CRADD: variants seen among roughly 807,000 people sequenced by gnomAD.
The protein encoded by CRADD is death domain-containing protein CRADD.
Under a neutral mutation model 15.5 loss-of-function variants are expected in CRADD, and 9 were observed. That is an observed-to-expected ratio of 0.58 (90% confidence interval 0.35 to 1.01). The LOEUF (loss-of-function observed/expected upper bound fraction) is 1.01. Ranked by LOEUF, CRADD falls within the 50% of genes least tolerant of loss-of-function variation. CRADD has a pLI of 0.02. For missense variants in CRADD, 227 were observed against 250.3 expected (o/e 0.91, Z 0.63); for synonymous variants, 118 against 107.6 (o/e 1.10, Z -0.60).
At chr12:93,736,209 C>A (rs750268235) in intron 2 of CRADD, among the ~76,000 whole-genome samples, 2 of 152,096 alleles carry the variant, frequency 1.3e-5, no homozygotes, top group Admixed American at 1.3e-4. Flanking sequence ...AGCCTCAAAG[C>A]AGAATCATGG....
chr12:93,779,494 G>A (rs897322710), intron 2 of CRADD, among the ~76,000 whole-genome samples: 6 of 150,462 alleles, frequency 4.0e-5, no homozygotes, highest in Admixed American at 2.0e-4. Flanking sequence ...CTTGAAAAGA[G>A]TACAAAAAAA....
chr12:93,802,044 G>A (rs1272097805), intron 2 of CRADD, among the ~76,000 whole-genome samples: 6 of 152,164 alleles, frequency 3.9e-5, no homozygotes, highest in Non-Finnish European at 7.3e-5. Context: ...TTATGGCTGA[G>A]TGGTATTCCA....
chr12:93,838,823 A>G (rs1413965909), intron 2 of CRADD, among the ~76,000 whole-genome samples: 1 of 151,820 alleles, frequency 6.6e-6, no homozygotes, highest in African/African-American at 2.4e-5. Context: ...CAGTGACACA[A>G]TCAGGGTTCA....
At chr12:93,885,200 G>A (rs1014176977) in intron 2 of CRADD, among the ~76,000 whole-genome samples, 1 of 152,146 alleles carries the variant, frequency 6.6e-6, no homozygotes, top group African/African-American at 2.4e-5. Flanking sequence ...TTTAAATTCA[G>A]CCATAGTGGT....
At chr12:93,769,484 G>A (rs1286512250) in intron 2 of CRADD, among the ~76,000 whole-genome samples, 1 of 152,160 alleles carries the variant, frequency 6.6e-6, no homozygotes, top group African/African-American at 2.4e-5. Context: ...TGGCATACGT[G>A]TGCAGTTTTA....
At chr12:93,759,251 G>T (rs2136948179) in intron 2 of CRADD, among the ~76,000 whole-genome samples, 1 of 152,196 alleles carries the variant, frequency 6.6e-6, no homozygotes, top group South Asian at 2.1e-4. Flanking sequence ...GCGATGGGTG[G>T]GGGAATGGGG....
intron 2 of CRADD, chr12:93,859,370 AC>A (rs1443148797): frequency 6.6e-6 from 3 of 455,762 alleles, no homozygotes; most frequent in Non-Finnish European, 1.3e-5. Flanking sequence ...CCAATTTTCT[AC>A]CCCATCCCAC....
intron 2 of CRADD, among the ~76,000 whole-genome samples, chr12:93,728,756 C>T (rs1010419877): frequency 1.3e-5 from 2 of 151,818 alleles, no homozygotes; most frequent in African/African-American, 4.8e-5. Flanking sequence ...AAATCATCAA[C>T]AATATATTAA....
At chr12:93,794,309 C>T (rs998878421) in intron 2 of CRADD, among the ~76,000 whole-genome samples, 2 of 152,282 alleles carry the variant, frequency 1.3e-5, no homozygotes, top group East Asian at 1.9e-4. Context: ...GCCCTGACTT[C>T]CAGACTTGAA....
At chr12:93,812,123 A>G (rs201771488) in intron 2 of CRADD, among the ~76,000 whole-genome samples, 1 of 152,210 alleles carries the variant, frequency 6.6e-6, no homozygotes, top group East Asian at 1.9e-4. Context: ...GGAAGGGAGT[A>G]AGGGATGAGT....
In CRADD at chr12:93,805,254, C is replaced by G. The variant is rs1042320977; in HGVS notation, c.299-44716C>G. Reference sequence around the variant, plus strand: ...TGTAATACAGATTTCAGCCTTACACCGAGAAAATATATATTTCTGAGTCTT... The same window carrying G: ...TGTAATACAGATTTCAGCCTTACACGGAGAAAATATATATTTCTGAGTCTT... On this transcript the variant is annotated intron_variant, in intron 2 of 2. Coordinates refer to ENST00000332896, the MANE Select transcript of CRADD (RefSeq NM_003805.5). Among the ~76,000 whole-genome samples, 9 of 151,368 alleles carry G rather than the reference C, an allele frequency of 5.9e-5. No individual in the cohort carries two copies. The East Asian group carries it at 1.7e-3, about 29-fold the overall frequency.
intron 2 of CRADD, among the ~76,000 whole-genome samples, chr12:93,805,688 CT>C (rs1396006852): frequency 6.6e-6 from 1 of 152,168 alleles, no homozygotes; most frequent in Non-Finnish European, 1.5e-5. Context: ...AGCAAGACTG[CT>C]GGAAATCCAC....
intron 2 of CRADD, among the ~76,000 whole-genome samples, chr12:93,816,502 C>T (rs1283202202): frequency 6.6e-6 from 1 of 151,622 alleles, no homozygotes; most frequent in East Asian, 1.9e-4. Context: ...GCTGGAATTA[C>T]AGGCGTGAGC....
intron 2 of CRADD, chr12:93,837,211 T>C (rs954042266): frequency 6.6e-6 from 1 of 152,490 alleles, no homozygotes; most frequent in Non-Finnish European, 1.5e-5. Flanking sequence ...TTTTTACTGT[T>C]TTGAAAATTT....
rs73357721 is a variant in CRADD, at chr12:93,682,207, T to C, written c.298+3135T>C. On this transcript the variant is annotated intron_variant, in intron 2 of 2. Coordinates refer to ENST00000332896, the MANE Select transcript of CRADD (RefSeq NM_003805.5). ...CTACTGCCTAAGACCTCGGTGCTTC[T>C]CCAGTGTTGTAATTGAGTAATTTTA... Among the ~76,000 whole-genome samples, 482 of 152,310 alleles carry C rather than the reference T, an allele frequency of 3.2e-3. 2 individuals are homozygous for C. The highest frequency in any genetic ancestry group is 0.011 in the African/African-American group (453 of 41,562).
intron 2 of CRADD, among the ~76,000 whole-genome samples, chr12:93,798,230 CTG>C (rs1436790120): frequency 6.6e-6 from 1 of 152,062 alleles, no homozygotes; most frequent in Non-Finnish European, 1.5e-5. Context: ...AGGCAGGAAA[CTG>C]TGTTTTGTCT....
intron 2 of CRADD, among the ~76,000 whole-genome samples, chr12:93,716,681 C>A (rs993757756): frequency 2.0e-5 from 3 of 152,052 alleles, no homozygotes; most frequent in Admixed American, 6.6e-5. Flanking sequence ...CATTGAAGTT[C>A]CCCCCATGTT....
chr12:93,723,117 A>C (rs138930207), intron 2 of CRADD, among the ~76,000 whole-genome samples: 1 of 152,258 alleles, frequency 6.6e-6, no homozygotes, highest in Non-Finnish European at 1.5e-5. Context: ...TAGGCCAAAC[A>C]AAATATAGGA....
intron 2 of CRADD, among the ~76,000 whole-genome samples, chr12:93,783,970 C>G (rs1346427385): frequency 1.3e-5 from 2 of 152,172 alleles, no homozygotes; most frequent in Non-Finnish European, 2.9e-5. Context: ...AACCAGACAT[C>G]AGTCAGGGAA....
Sources: allele counts gnomAD v4.1 joint callset (sites outside exome capture counted in the v4.1 genomes callset), GRCh38; gene constraint gnomAD v4.1.1; transcripts MANE v1.5; gene names NCBI Gene and HGNC (gene_info 2026-07-23, HGNC 2026-07-21).